The following KLHL14 variants were observed in gnomAD, a reference collection of about 807,000 sequenced individuals.
KLHL14 encodes kelch like family member 14, also known as kelch-like protein 14.
Under a neutral mutation model 64.3 loss-of-function variants are expected in KLHL14, and 22 were observed. The ratio of observed to expected loss-of-function variants is 0.34; its 90% CI spans 0.24 to 0.49. KLHL14 has a LOEUF of 0.49. Ranked by LOEUF, KLHL14 falls within the 20% of genes least tolerant of loss-of-function variation. The probability of loss-of-function intolerance (pLI) is 0.99; values close to 1 mark genes in which losing one functional copy is unlikely to be tolerated. For missense variants in KLHL14, 661 were observed against 789.0 expected (o/e 0.84, Z 1.94); for synonymous variants, 322 against 333.4 (o/e 0.97, Z 0.37).
At chr18:32,772,511 T>C (rs1277723077) in intron 1 of KLHL14, among the ~76,000 whole-genome samples, 156 bp downstream of exon 1, 1 of 151,884 alleles carries the variant, frequency 6.6e-6, no homozygotes, top group African/African-American at 2.4e-5. Flanking sequence ...CATCTGCTTA[T>C]TTCTTGCAAT....
chr18:32,733,954 T>C (rs1264502771), intron 3 of KLHL14: 3 of 564,394 alleles, frequency 5.3e-6, no homozygotes, highest in Non-Finnish European at 9.5e-6. Context: ...AATTTCTCTT[T>C]AGTTTATTCA....
chr18:32,736,986 T>C (rs760825906), intron 3 of KLHL14, among the ~76,000 whole-genome samples: 9 of 152,136 alleles, frequency 5.9e-5, no homozygotes, highest in Non-Finnish European at 1.0e-4. Flanking sequence ...ATGCATGTTC[T>C]ATCCTACCAT....
rs541489160 is a variant in KLHL14, at chr18:32,750,970, TTCTC to T, written c.948-8925_948-8922del. On this transcript the variant is annotated intron_variant, in intron 2 of 8. Coordinates refer to ENST00000359358, the MANE Select transcript of KLHL14 (RefSeq NM_020805.3). ...TATCTTATTATAACCTCTCTTTCCT[TTCTC>T]TCTTTTTTTCTCCTATTAGTAAATG... Among the ~76,000 whole-genome samples the T allele has an allele frequency of 2.6e-4, 40 of 152,358 alleles. No homozygotes were observed. In the South Asian group the frequency reaches 7.9e-3, roughly 30 times the overall value.
Position 32,725,293 on chromosome 18 carries a change from G to T in KLHL14, c.1069+16635C>A, listed in dbSNP as rs117672545. Among the ~76,000 whole-genome samples the T allele has an allele frequency of 2.2e-4, 34 of 152,284 alleles. No homozygotes were observed. In the East Asian group the frequency reaches 6.0e-3, roughly 27 times the overall value. On this transcript the variant is annotated intron_variant, in intron 3 of 8. Transcript: ENST00000359358. ...AATCTTCCCACCTTGGCTTCCCAAAGTGCTGGAATTACAGGTGTAAGCCAC... is the reference window on the plus strand; with the variant it reads ...AATCTTCCCACCTTGGCTTCCCAAATTGCTGGAATTACAGGTGTAAGCCAC...
At chr18:32,760,279 C>G (rs909797914) in intron 2 of KLHL14, among the ~76,000 whole-genome samples, 1 of 151,944 alleles carries the variant, frequency 6.6e-6, no homozygotes, top group African/African-American at 2.4e-5. Flanking sequence ...AGAAATCACT[C>G]TATAGAAAAT....
At chr18:32,675,326 C>A (rs2144460448) in intron 8 of KLHL14, among the ~76,000 whole-genome samples, 1 of 152,156 alleles carries the variant, frequency 6.6e-6, no homozygotes. Flanking sequence ...GCCTAGACAA[C>A]AGAGTAAGAT....
At chr18:32,704,335 G>A (rs1426372634) in intron 3 of KLHL14, among the ~76,000 whole-genome samples, 1 of 152,120 alleles carries the variant, frequency 6.6e-6, no homozygotes, top group Admixed American at 6.6e-5. Flanking sequence ...TATAAGAGGA[G>A]TTTTCTGATG....
intron 2 of KLHL14, among the ~76,000 whole-genome samples, chr18:32,753,702 CTT>C (rs1409722629): frequency 1.4e-4 from 22 of 152,302 alleles, no homozygotes; most frequent in Admixed American, 1.2e-3. Flanking sequence ...GCACTTGACA[CTT>C]CATCCTTGGC....
intron 3 of KLHL14, among the ~76,000 whole-genome samples, chr18:32,695,860 T>C (rs550132609): frequency 7.9e-5 from 12 of 152,276 alleles, no homozygotes; most frequent in African/African-American, 2.9e-4. Flanking sequence ...GCCTGCCTGA[T>C]GATGTGGATA....
chr18:32,728,335 A>G (rs1186559054), intron 3 of KLHL14, among the ~76,000 whole-genome samples: 1 of 152,194 alleles, frequency 6.6e-6, no homozygotes, highest in Non-Finnish European at 1.5e-5. Flanking sequence ...TGTGACCTTG[A>G]GCAAATTACT....
intron 2 of KLHL14, among the ~76,000 whole-genome samples, chr18:32,749,648 G>T (rs146473038): frequency 6.6e-6 from 1 of 152,136 alleles, no homozygotes. Flanking sequence ...GGAGGAAGGG[G>T]CTGTGGAAAA....
At chr18:32,707,207 A>G (rs902486509) in intron 3 of KLHL14, among the ~76,000 whole-genome samples, 4 of 152,242 alleles carry the variant, frequency 2.6e-5, no homozygotes, top group African/African-American at 7.2e-5. Context: ...ACTCAGCTCT[A>G]TATCAGTTGC....
At chr18:32,768,913 G>C (rs2050361455) in intron 2 of KLHL14, among the ~76,000 whole-genome samples, 1 of 152,150 alleles carries the variant, frequency 6.6e-6, no homozygotes, top group African/African-American at 2.4e-5. Context: ...CAATTTTCAA[G>C]TGCACTCTTC....
At chr18:32,691,918 G>A (rs1469262042) in intron 4 of KLHL14, among the ~76,000 whole-genome samples, 2 of 152,176 alleles carry the variant, frequency 1.3e-5, no homozygotes, top group African/African-American at 4.8e-5. Context: ...GGGGCAAAGG[G>A]TGGCAGTTTC....
chr18:32,720,459 T>C (rs12456996), intron 3 of KLHL14, among the ~76,000 whole-genome samples: 31,543 of 151,916 alleles, frequency 0.21, 3,799 homozygotes, highest in Middle Eastern at 0.28. Flanking sequence ...AAAGACAGAA[T>C]GGGTTCAAAG....
intron 3 of KLHL14, among the ~76,000 whole-genome samples, chr18:32,726,101 C>T (rs6506985): frequency 0.29 from 44,866 of 152,150 alleles, 6,880 homozygotes; most frequent in African/African-American, 0.37. Context: ...TTAGCAAATA[C>T]GGCCTGTTGG....
chr18:32,688,262 G>C (rs960393344), intron 4 of KLHL14, among the ~76,000 whole-genome samples: 1 of 152,138 alleles, frequency 6.6e-6, no homozygotes, highest in African/African-American at 2.4e-5. Flanking sequence ...GGACTGAACA[G>C]ATAGGGGTGT....
intron 2 of KLHL14, among the ~76,000 whole-genome samples, chr18:32,753,287 C>T (rs1404251286): frequency 6.6e-6 from 1 of 152,208 alleles, no homozygotes; most frequent in African/African-American, 2.4e-5. Flanking sequence ...AAACCTGTTA[C>T]ATTCCAACTC....
intron 3 of KLHL14, among the ~76,000 whole-genome samples, chr18:32,722,359 G>A (rs918286556): frequency 1.9e-4 from 29 of 152,094 alleles, no homozygotes; most frequent in African/African-American, 6.3e-4. Context: ...AATATGCTGT[G>A]AGCAACAACA....
Sources: gnomAD v4.1 joint callset for allele counts (sites outside exome capture counted in the v4.1 genomes callset) on GRCh38, gnomAD v4.1.1 for gene constraint, MANE v1.5 for transcripts, NCBI Gene and HGNC (gene_info 2026-07-23, HGNC 2026-07-21) for gene names.